Variants in ERI3 observed in about 807,000 individuals in gnomAD.
The protein encoded by ERI3 is ERI1 exoribonuclease 3.
In ERI3, 18 loss-of-function variants were observed where a neutral mutation model predicts 44.4. The observed-to-expected ratio is 0.41, with a 90% CI of 0.28 to 0.60. ERI3 has a LOEUF of 0.60. Among genes scored for constraint, ERI3 ranks in the 20% least tolerant of loss-of-function variants. The pLI, the probability that ERI3 is intolerant of heterozygous loss-of-function variation, is 0.36. For missense variants in ERI3, 294 were observed against 435.5 expected, an observed-to-expected ratio of 0.68 and a Z score of 2.89; for synonymous variants, 183 against 164.8, an observed-to-expected ratio of 1.11 and a Z score of -0.84.
chr1:44,354,084 G>A, intron 1 of ERI3: 1 of 985,438 alleles, frequency 1.0e-6, no homozygotes, highest in Non-Finnish European at 1.2e-6. Flanking sequence ...GAATAAAGCA[G>A]AATTTGATGA....
chr1:44,334,430 G>A (rs953845781), intron 3 of ERI3, among the ~76,000 whole-genome samples: 2 of 152,142 alleles, frequency 1.3e-5, no homozygotes, highest in African/African-American at 2.4e-5. Flanking sequence ...TCCTGCTAGC[G>A]AGGACAAAGG....
chr1:44,312,739 G>A (rs140582104), intron 5 of ERI3, among the ~76,000 whole-genome samples: 23 of 152,348 alleles, frequency 1.5e-4, no homozygotes, highest in African/African-American at 5.0e-4. Context: ...CCATCGATGC[G>A]GAGTTCTGGG....
In ERI3 at chr1:44,221,867, G is replaced by T. The variant is rs1643905848; in HGVS notation, c.932-227C>A. ...GATGCTTCTCAGTTCCATAATTCAT[G>T]CTGGAAATTGGCCGGCATGTCCCGC... On this transcript the variant is annotated intron_variant, in intron 8 of 8. Coordinates refer to ENST00000372257, the MANE Select transcript of ERI3 (RefSeq NM_024066.3). The surrounding 1 kb of genome is among the most constrained non-coding windows in gnomAD (Gnocchi z 5.9). Among the ~76,000 whole-genome samples, 2 of 152,192 alleles carry T rather than the reference G, an allele frequency of 1.3e-5. No individual in the cohort carries two copies. The highest frequency in any genetic ancestry group is 1.3e-4 in the Admixed American group (2 of 15,280).
At chr1:44,320,314 A>G (rs1450985577) in intron 3 of ERI3, among the ~76,000 whole-genome samples, 1 of 152,250 alleles carries the variant, frequency 6.6e-6, no homozygotes, top group East Asian at 1.9e-4. Flanking sequence ...CCCACCTTTC[A>G]GGCAGCACAC....
intron 6 of ERI3, among the ~76,000 whole-genome samples, chr1:44,298,937 C>A (rs996309101): frequency 1.3e-5 from 2 of 152,064 alleles, no homozygotes; most frequent in African/African-American, 4.8e-5. Context: ...TTGCATGATT[C>A]CATTTATACG....
At chr1:44,305,925 C>T (rs1329874589) in intron 6 of ERI3, among the ~76,000 whole-genome samples, 1 of 152,220 alleles carries the variant, frequency 6.6e-6, no homozygotes, top group African/African-American at 2.4e-5. Flanking sequence ...TTTAACACCA[C>T]CCTTGTCAGG....
chr1:44,319,603 T>C, intron 4 of ERI3, 25 bp downstream of exon 4: 1 of 1,553,066 alleles, frequency 6.4e-7, no homozygotes, highest in Non-Finnish European at 8.9e-7. Flanking sequence ...CAGCAGCCCC[T>C]GCTGCCCACT....
At chr1:44,303,871 T>C (rs1466783439) in intron 6 of ERI3, among the ~76,000 whole-genome samples, 1 of 152,174 alleles carries the variant, frequency 6.6e-6, no homozygotes, top group Non-Finnish European at 1.5e-5. Context: ...AGAGACTAGT[T>C]AGAAGACTTT....
intron 7 of ERI3, among the ~76,000 whole-genome samples, chr1:44,270,035 T>C (rs1352929269): frequency 6.6e-6 from 1 of 152,218 alleles, no homozygotes; most frequent in African/African-American, 2.4e-5. Flanking sequence ...GTGTGGGAGA[T>C]GGAAGGCAGG....
At chr1:44,327,191 T>A (rs774678032) in intron 3 of ERI3, among the ~76,000 whole-genome samples, 1 of 152,230 alleles carries the variant, frequency 6.6e-6, no homozygotes, top group Non-Finnish European at 1.5e-5. Flanking sequence ...GGTTATGTGC[T>A]AGAGAGGTCC....
intron 7 of ERI3, among the ~76,000 whole-genome samples, chr1:44,274,539 G>A (rs922284896): frequency 2.0e-5 from 3 of 152,188 alleles, no homozygotes; most frequent in Non-Finnish European, 4.4e-5. Context: ...GGGGCAGGGA[G>A]ATGGGAAGAA....
chr1:44,313,287 G>T, intron 4 of ERI3, 59 bp from the exon 5 acceptor site: 2 of 1,491,212 alleles, frequency 1.3e-6, no homozygotes, highest in South Asian at 1.1e-5. Flanking sequence ...ACTCAAGGCT[G>T]AACAGGACCC....
rs548400302 is a variant in ERI3 at position 44,228,942 on chromosome 1, C to G, written c.932-7302G>C. 6.6e-6 allele frequency among the ~76,000 whole-genome samples: 1 copy of G among 152,312 alleles called. No individual in the cohort carries two copies. The highest frequency in any genetic ancestry group is 2.4e-5 in the African/African-American group (1 of 41,552). On this transcript the variant is annotated intron_variant, in intron 8 of 8. Coordinates refer to ENST00000372257, the MANE Select transcript of ERI3 (RefSeq NM_024066.3). This position sits in a 1 kb window ranked among gnomAD's most constrained non-coding sequence, Gnocchi z 4.3. ...AGGACATGTCAACGTCATTCAAACC[C>G]CAATACAGAATGAGGACAGAAACCA...
intron 7 of ERI3, among the ~76,000 whole-genome samples, chr1:44,263,594 A>C (rs1406117713): frequency 1.3e-5 from 2 of 152,032 alleles, no homozygotes; most frequent in Admixed American, 1.3e-4. Context: ...CAGCTTCCAC[A>C]CTCTCTAAGC....
intron 8 of ERI3, among the ~76,000 whole-genome samples, chr1:44,229,408 A>G (rs1302552865): frequency 1.3e-5 from 2 of 152,080 alleles, no homozygotes; most frequent in African/African-American, 4.8e-5. Flanking sequence ...ATCATTATTA[A>G]TTGTGGGCCC....
chr1:44,269,906 T>C (rs917903963), intron 7 of ERI3, among the ~76,000 whole-genome samples: 1 of 152,202 alleles, frequency 6.6e-6, no homozygotes, highest in Admixed American at 6.5e-5. Flanking sequence ...GAGGATTAAA[T>C]GCAATCATGT....
chr1:44,238,378 G>GT (rs1285683125), intron 8 of ERI3, among the ~76,000 whole-genome samples: 1 of 152,126 alleles, frequency 6.6e-6, no homozygotes, highest in Non-Finnish European at 1.5e-5. Flanking sequence ...CCTGCGGAGA[G>GT]TAAGGGCCGG....
At chr1:44,267,087 A>C (rs952233244) in intron 7 of ERI3, among the ~76,000 whole-genome samples, 1 of 152,214 alleles carries the variant, frequency 6.6e-6, no homozygotes, top group Non-Finnish European at 1.5e-5. Context: ...AGGCCAGTAC[A>C]CAATCTGAGT....
At chr1:44,345,352 A>G (rs1389797467) in intron 2 of ERI3, among the ~76,000 whole-genome samples, 1 of 152,180 alleles carries the variant, frequency 6.6e-6, no homozygotes, top group Non-Finnish European at 1.5e-5. Flanking sequence ...TGTACTTGGG[A>G]TCTCTGGGAT....
Sources: allele counts gnomAD v4.1 joint callset (sites outside exome capture counted in the v4.1 genomes callset), GRCh38; gene constraint gnomAD v4.1.1; non-coding constraint Gnocchi (gnomAD v3.1); transcripts MANE v1.5; gene names NCBI Gene and HGNC (gene_info 2026-07-23, HGNC 2026-07-21).